ANK1: variants seen among roughly 807,000 people sequenced by gnomAD.
ANK1 encodes ankyrin-1.
Under a neutral mutation model 210.4 loss-of-function variants are expected in ANK1, and 51 were observed. The ratio of observed to expected loss-of-function variants is 0.24; its 90% confidence interval spans 0.19 to 0.31. The LOEUF is 0.31. Among genes scored for constraint, ANK1 ranks in the 10% least tolerant of loss-of-function variants. The pLI is 1.00. For synonymous variants in ANK1, 967 were observed against 1,025.9 expected (o/e 0.94, Z 1.10); for missense variants, 2,051 against 2,504.4 (o/e 0.82, Z 3.86).
chr8:41,802,108 G>A (rs1185353370), upstream of ANK1, among the ~76,000 whole-genome samples: 3 of 152,090 alleles, frequency 2.0e-5, no homozygotes, highest in Admixed American at 1.3e-4. Flanking sequence ...TCCTGCCTCG[G>A]CCTCCCGAAT....
At position 41,668,549 on chromosome 8, in the gene ANK1, A is replaced by T. The variant is rs868349230; in HGVS notation, c.5112T>A (p.Asp1704Glu). ...ERSQDRLQDW[D>E]ADGSIVSYLQ... ...GGTATGAGACAATCGAGCCGTCTGC[A>T]TCCCAGTCCTGCAGTCTGGGGTCCA... The change falls in exon 39 of 43, where the codon GAT becomes GAA. Residue 1704 changes from aspartate to glutamate, a missense_variant. Asp to Glu is a conservative substitution (Grantham distance 45, BLOSUM62 2). Transcript: ENST00000289734. The T allele has an allele frequency of 9.9e-6, 16 of 1,613,270 alleles. No homozygotes were observed. Among genetic ancestry groups the T allele is most frequent in the Middle Eastern group, 3.3e-4 (2 of 6,078 alleles).
intron 2 of ANK1, among the ~76,000 whole-genome samples, chr8:41,735,080 T>G (rs1186987613): frequency 6.6e-6 from 1 of 152,164 alleles, no homozygotes; most frequent in African/African-American, 2.4e-5. Flanking sequence ...ATTTAACCAA[T>G]TAAAGTTCCA....
intron 2 of ANK1, among the ~76,000 whole-genome samples, chr8:41,739,035 CACCAGT>C (rs1834073522): frequency 6.6e-6 from 1 of 152,206 alleles, no homozygotes; most frequent in African/African-American, 2.4e-5. Flanking sequence ...TGGAGGAAAA[CACCAGT>C]TCGCTAGAGT....
At chr8:41,756,685 C>G (rs1027569830) in intron 2 of ANK1, among the ~76,000 whole-genome samples, 1 of 152,144 alleles carries the variant, frequency 6.6e-6, no homozygotes, top group African/African-American at 2.4e-5. Context: ...TCAGGTGATC[C>G]GCCCACCTCA....
At position 41,856,852 on chromosome 8, in the gene ANK1, C is replaced by T. The variant is rs985715740; in HGVS notation, c.126+39503G>A. 2.7e-5 allele frequency among the ~76,000 whole-genome samples: 4 copies of T among 149,722 alleles called. No individual in the cohort carries two copies. The East Asian group carries it at 5.8e-4, about 22-fold the overall frequency. ...AACCTTATCAACCACAACGGTCTTT[C>T]GCCTTGGTGCTTAACAGCCCTCTTT... On this transcript the variant is annotated intron_variant, in intron 1 of 42. Coordinates refer to the ANK1 transcript ENST00000265709.
chr8:41,833,823 A>G (rs996566529), intron 1 of ANK1, among the ~76,000 whole-genome samples: 2 of 152,204 alleles, frequency 1.3e-5, no homozygotes, highest in Non-Finnish European at 2.9e-5. Context: ...CGGGGCAAGC[A>G]TACAGCAGAG....
At position 41,828,613 on chromosome 8, in the gene ANK1, G is replaced by C. The variant is rs983396829; in HGVS notation, c.126+67742C>G. ...CATACCGAGGCCTCTTCAGTTCCTG[G>C]AACAGTAGCACTAAAAGGCTCCTGA... On this transcript the variant is annotated intron_variant, in intron 1 of 42. Transcript: ENST00000265709. 8 of 154,198 alleles carry C rather than the reference G, an allele frequency of 5.2e-5. No homozygotes were observed. In the Admixed American group the frequency reaches 5.2e-4, roughly 10 times the overall value. 9.6% of individuals were successfully genotyped at this position (154,198 alleles called of 1,614,324 possible).
In ANK1 at chr8:41,698,125, C is replaced by T. The variant is rs542987394; in HGVS notation, c.2559-4G>A. The T allele has an allele frequency of 1.5e-5, 24 of 1,613,964 alleles. No homozygotes were observed. Among genetic ancestry groups the T allele is most frequent in the East Asian group, 4.5e-5 (2 of 44,878 alleles). ...GGGGATGGCTGGAGATTCCACCCTGCGTGCCAAGAACACCAGAACATCACA... is the reference window on the plus strand; with the variant it reads ...GGGGATGGCTGGAGATTCCACCCTGTGTGCCAAGAACACCAGAACATCACA... On this transcript the variant is annotated splice_polypyrimidine_tract_variant and splice_region_variant and intron_variant, in intron 23 of 42. Transcript: ENST00000289734.
exon 1 of ANK1, chr8:41,896,656 C>A (rs1172448495): frequency 1.4e-5 from 12 of 842,684 alleles, no homozygotes; most frequent in African/African-American, 1.8e-5. Flanking sequence ...GTTCCGGACG[C>A]GGAGGGCGAG....
chr8:41,804,808 T>G (rs1319244224), intron 1 of ANK1, among the ~76,000 whole-genome samples: 2 of 152,122 alleles, frequency 1.3e-5, no homozygotes, highest in African/African-American at 4.8e-5. Context: ...ATTCCCACAT[T>G]CCGGCAAAAC....
chr8:41,774,198 T>C (rs959529240), intron 1 of ANK1, among the ~76,000 whole-genome samples: 3 of 152,078 alleles, frequency 2.0e-5, no homozygotes, highest in African/African-American at 7.2e-5. Flanking sequence ...GAAGCACCAC[T>C]CAATACATGT....
Position 41,723,601 on chromosome 8 carries a change from G to C in ANK1, c.744C>G (p.Arg248=). Reference sequence around the variant, plus strand: ...GCCGCACCATGATCACGTTGCCCCTGCGGGAGGCGATGTGCAGTGGCGTGA... The same window carrying C: ...GCCGCACCATGATCACGTTGCCCCTCCGGGAGGCGATGTGCAGTGGCGTGA... ...NGITPLHIAS[R]RGNVIMVRLL... Residue 248 remains arginine, a synonymous_variant, in exon 8 of 43, where the codon CGC becomes CGG. Coordinates refer to ENST00000289734, the MANE Select transcript of ANK1 (RefSeq NM_000037.4). 6.2e-7 allele frequency: 1 copy of C among 1,613,758 alleles called. No individual in the cohort carries two copies. Among genetic ancestry groups the C allele is most frequent in the Non-Finnish European group, 8.5e-7 (1 of 1,179,946 alleles).
At chr8:41,682,349 C>T (rs1053117575) in intron 37 of ANK1, among the ~76,000 whole-genome samples, 4 of 152,242 alleles carry the variant, frequency 2.6e-5, no homozygotes, top group African/African-American at 9.6e-5. Flanking sequence ...CCCCTGGCCC[C>T]GACTCCGGTC....
rs1225377188 is a variant in ANK1, at chr8:41,715,743, T to G, written c.1511A>C (p.His504Pro). Residue 504 changes from histidine to proline, a missense_variant, in exon 14 of 43, where the codon CAC (histidine) becomes CCC (proline). Physicochemically the swap from His to Pro is moderately conservative, Grantham distance 77. Around this residue, in one of 6 missense-constraint regions of ANK1, gnomAD observed 1,413 missense variants for 1,707.4 expected, o/e 0.83. Coordinates refer to ENST00000289734, the MANE Select transcript of ANK1 (RefSeq NM_000037.4). Reference protein sequence around the residue: ...ANPNLATTAGHTPLHIAAREG... With the variant: ...ANPNLATTAGPTPLHIAAREG... ...ACGGGCTGCAATGTGCAGGGGGGTG[T>G]GCCCGGCGGTGGTGGCCAGGTTGGG... is the stretch of plus-strand genomic sequence containing the variant. 6.2e-7 allele frequency: 1 copy of G among 1,614,036 alleles called. No individual in the cohort carries two copies. The highest frequency in any genetic ancestry group is 1.7e-5 in the Admixed American group (1 of 60,022).
intron 42 of ANK1, chr8:41,660,543 A>G (rs1328136512): frequency 2.1e-6 from 1 of 466,748 alleles, no homozygotes; most frequent in Non-Finnish European, 4.4e-6. Context: ...CGGCCGCTGA[A>G]GCCCCCAGCA....
Position 41,704,369 on chromosome 8 carries a change from T to C in ANK1, c.2196+5A>G. ...GCAGGAGTCGGGGCTGGGGCACCCC[T>C]GTACCTTGGTCTTGGCATTGACATC... On this transcript the variant is annotated splice_donor_5th_base_variant and intron_variant, in intron 19 of 42. Transcript: ENST00000289734. The surrounding 1 kb of genome is among the most constrained non-coding windows in gnomAD (Gnocchi z 4.1). 3.7e-6 allele frequency: 6 copies of C among 1,613,750 alleles called. No homozygotes were observed. The highest frequency in any genetic ancestry group is 5.1e-6 in the Non-Finnish European group (6 of 1,179,650).
chr8:41,745,147 A>G (rs1835797357), intron 2 of ANK1, among the ~76,000 whole-genome samples: 1 of 152,030 alleles, frequency 6.6e-6, no homozygotes, highest in Non-Finnish European at 1.5e-5. Flanking sequence ...CAGGAAAGGG[A>G]GCGGAGGGAG....
At chr8:41,732,373 C>G (rs1484238379) in intron 3 of ANK1, among the ~76,000 whole-genome samples, 1 of 152,128 alleles carries the variant, frequency 6.6e-6, no homozygotes, top group African/African-American at 2.4e-5. Flanking sequence ...ACTGGGGAGA[C>G]AGTACTTGAG....
At chr8:41,671,530 C>T (rs545675172) in intron 38 of ANK1, among the ~76,000 whole-genome samples, 4 of 149,558 alleles carry the variant, frequency 2.7e-5, no homozygotes, top group African/African-American at 7.4e-5. Flanking sequence ...GAGCCCTTCC[C>T]GTGCACTAAT....
Sources: gnomAD v4.1 joint callset for allele counts (sites outside exome capture counted in the v4.1 genomes callset) on GRCh38, gnomAD v4.1.1 for gene constraint, gnomAD v4.1.1 regional missense constraint, Gnocchi (gnomAD v3.1) non-coding constraint, MANE v1.5 for transcripts, NCBI Gene and HGNC (gene_info 2026-07-23, HGNC 2026-07-21) for gene names.